VEPH1: variants seen among roughly 807,000 people sequenced by gnomAD.
VEPH1 encodes the protein ventricular zone expressed PH domain containing 1.
In VEPH1, 80 loss-of-function variants were observed where a neutral mutation model predicts 85.2. That is an observed-to-expected ratio of 0.94 (90% CI 0.78 to 1.13). The LOEUF is 1.13. Ranked by LOEUF, VEPH1 falls within the 50% of genes most tolerant of loss-of-function variation. The pLI is 0.00. For synonymous variants in VEPH1, 297 were observed against 348.0 expected, an observed-to-expected ratio of 0.85 and a Z score of 1.63; for missense variants, 955 against 980.5, an observed-to-expected ratio of 0.97 and a Z score of 0.35.
intron 6 of VEPH1, among the ~76,000 whole-genome samples, chr3:157,405,383 G>T (rs553120690): frequency 6.6e-6 from 1 of 152,072 alleles, no homozygotes; most frequent in East Asian, 1.9e-4. Flanking sequence ...TCTTGGGAAC[G>T]CTAAGGTACA....
At position 157,495,094 on chromosome 3, in the gene VEPH1, C is replaced by A. The variant is rs1739553147; in HGVS notation, c.138+118G>T. 3 of 1,043,418 alleles carry A rather than the reference C, an allele frequency of 2.9e-6. No individual in the cohort carries two copies. In the African/African-American group the frequency reaches 4.8e-5, roughly 17 times the overall value. The allele number at this position is 1,043,418 out of a possible 1,614,324, so 64.6% of individuals were successfully genotyped here. ...AAACCACAGAGCAGATTAAGAGAGACCAATATTAGTGGTATTTCCTCTTTC... is the reference window on the plus strand; with the variant it reads ...AAACCACAGAGCAGATTAAGAGAGAACAATATTAGTGGTATTTCCTCTTTC... On this transcript the variant is annotated intron_variant, in intron 2 of 13. Coordinates refer to ENST00000362010, the MANE Select transcript of VEPH1 (RefSeq NM_001167912.2).
intron 2 of VEPH1, among the ~76,000 whole-genome samples, chr3:157,477,119 T>C (rs1352306655): frequency 6.6e-6 from 1 of 151,926 alleles, no homozygotes; most frequent in Non-Finnish European, 1.5e-5. Flanking sequence ...AGGTCAGAAG[T>C]CAAAAATCAG....
chr3:157,482,269 G>A (rs1455920835), intron 2 of VEPH1, among the ~76,000 whole-genome samples: 1 of 152,080 alleles, frequency 6.6e-6, no homozygotes, highest in East Asian at 1.9e-4. Context: ...TGTCGCCCAG[G>A]CTGGAGTGCA....
At chr3:157,313,213 T>G (rs1002126054) in intron 11 of VEPH1, among the ~76,000 whole-genome samples, 7 of 151,748 alleles carry the variant, frequency 4.6e-5, no homozygotes, top group African/African-American at 1.5e-4. Context: ...CAACATTTTT[T>G]TTTTAAGATG....
At chr3:157,351,188 G>C (rs1724830868) in intron 9 of VEPH1, among the ~76,000 whole-genome samples, 1 of 152,124 alleles carries the variant, frequency 6.6e-6, no homozygotes, top group Admixed American at 6.5e-5. Flanking sequence ...GCTCATGCCT[G>C]TAATCCCATC....
chr3:157,332,274 G>A (rs1048716687), intron 9 of VEPH1, among the ~76,000 whole-genome samples: 3 of 152,186 alleles, frequency 2.0e-5, no homozygotes, highest in Admixed American at 2.0e-4. Context: ...CCATTTTAAA[G>A]TGTACAGTTC....
At chr3:157,278,070 G>A (rs1715623101) in intron 12 of VEPH1, among the ~76,000 whole-genome samples, 1 of 152,170 alleles carries the variant, frequency 6.6e-6, no homozygotes, top group African/African-American at 2.4e-5. Flanking sequence ...GATGGATGAG[G>A]AGAGTCCACT....
rs201025388 is a variant in VEPH1 at position 157,363,721 on chromosome 3, C to T, written c.1378G>A (p.Val460Met). 2.2e-4 allele frequency: 352 copies of T among 1,614,126 alleles called. 1 individual carries two copies. The highest frequency in any genetic ancestry group is 5.2e-4 in the Admixed American group (31 of 60,026). The stretch of plus-strand genomic sequence containing the variant: ...TCATCTTCGCCGTCATCTGAACCCA[C>T]ACCCTTTGTGAGCATAGTGTGGAAA... ...LAFHTMLTKG[V>M]GSDDGEDENR... The change falls in exon 9 of 14, where the codon GTG becomes ATG. Residue 460 changes from valine (V) to methionine (M), a missense_variant. By Grantham distance (21) the Val-to-Met change is conservative (BLOSUM62 1). Transcript: ENST00000362010.
intron 13 of VEPH1, among the ~76,000 whole-genome samples, chr3:157,262,040 A>G (rs910741736): frequency 5.3e-4 from 80 of 152,160 alleles, no homozygotes; most frequent in African/African-American, 1.9e-3. Context: ...CATTTTGTCT[A>G]CTAGAGAAAG....
intron 3 of VEPH1, among the ~76,000 whole-genome samples, chr3:157,466,685 C>T (rs955520414): frequency 2.6e-5 from 4 of 152,298 alleles, no homozygotes; most frequent in African/African-American, 4.8e-5. Flanking sequence ...CCAAATGACA[C>T]GGAAGCCTTC....
intron 9 of VEPH1, among the ~76,000 whole-genome samples, chr3:157,348,107 A>C (rs1724443964): frequency 1.3e-5 from 2 of 152,070 alleles, no homozygotes; most frequent in South Asian, 4.1e-4. Context: ...AAACCACCTC[A>C]TGCTCTGCAC....
chr3:157,289,982 G>A (rs1717275595), intron 11 of VEPH1, among the ~76,000 whole-genome samples: 1 of 151,054 alleles, frequency 6.6e-6, no homozygotes, highest in African/African-American at 2.4e-5. Flanking sequence ...ATTGCTTCTG[G>A]CCAAGAATAT....
In VEPH1 at chr3:157,312,128, ATTTG is replaced by A. The variant is rs564138821; in HGVS notation, c.2010+1489_2010+1492del. Among the ~76,000 whole-genome samples, 257 of 152,286 alleles carry A rather than the reference ATTTG, an allele frequency of 1.7e-3. 2 individuals are homozygous for A. The Middle Eastern group carries it at 0.017, about 10-fold the overall frequency. Reference sequence around the variant, plus strand: ...AATTTGCTACTCATTTGTATTATGAATTTGTTTAATATTGGCATGCTTGTCTCCC... The same window carrying A: ...AATTTGCTACTCATTTGTATTATGAATTTAATATTGGCATGCTTGTCTCCC... On this transcript the variant is annotated intron_variant, in intron 11 of 13. Coordinates refer to ENST00000362010, the MANE Select transcript of VEPH1 (RefSeq NM_001167912.2).
At chr3:157,350,040 A>G (rs1045569959) in intron 9 of VEPH1, among the ~76,000 whole-genome samples, 1 of 152,200 alleles carries the variant, frequency 6.6e-6, no homozygotes, top group African/African-American at 2.4e-5. Context: ...GCATGGAACC[A>G]TAAAAGACCC....
intron 2 of VEPH1, among the ~76,000 whole-genome samples, chr3:157,482,183 A>T (rs560448320): frequency 3.6e-4 from 54 of 151,966 alleles, no homozygotes; most frequent in Admixed American, 1.7e-3. Context: ...TGAATTTTAG[A>T]ATAGGTTTTC....
intron 8 of VEPH1, 136 bp downstream of exon 8, chr3:157,364,167 T>A (rs886942719): frequency 1.5e-6 from 1 of 661,794 alleles, no homozygotes; most frequent in Admixed American, 3.0e-5. Context: ...GTGGATGATA[T>A]TTCATTCATG....
rs369392385 is a variant in VEPH1, at chr3:157,317,094, G to A, written c.1843C>T (p.Pro615Ser). 9 of 1,613,306 alleles carry A rather than the reference G, an allele frequency of 5.6e-6. No individual in the cohort carries two copies. The highest frequency in any genetic ancestry group is 7.6e-6 in the Non-Finnish European group (9 of 1,179,648). The change falls in exon 10 of 14, where the codon CCA becomes TCA. Residue 615 changes from proline to serine, a missense_variant. By Grantham distance (74) the Pro-to-Ser change is moderately conservative. Coordinates refer to ENST00000362010, the MANE Select transcript of VEPH1 (RefSeq NM_001167912.2). ...AATAGAAACATGATCTGGATCCATG[G>A]CTGAGGTTCTTGGCTGATGAGAATA... ...SFILISQEPQ[P>S]WIQIMFLFQQ...
chr3:157,412,816 A>G (rs1028604865), intron 6 of VEPH1, among the ~76,000 whole-genome samples: 2 of 152,168 alleles, frequency 1.3e-5, no homozygotes, highest in Non-Finnish European at 2.9e-5. Flanking sequence ...ACCCAGGAGG[A>G]AGCCAGGCAG....
intron 9 of VEPH1, among the ~76,000 whole-genome samples, chr3:157,343,727 A>T (rs1175399807): frequency 2.0e-5 from 3 of 152,344 alleles, no homozygotes; most frequent in African/African-American, 7.2e-5. Context: ...ACAACAAAAA[A>T]AGAGAATTTT....
Sources: allele counts gnomAD v4.1 joint callset (sites outside exome capture counted in the v4.1 genomes callset), GRCh38; gene constraint gnomAD v4.1.1; transcripts MANE v1.5; gene names NCBI Gene and HGNC (gene_info 2026-07-23, HGNC 2026-07-21).